The following WWOX variants were observed in gnomAD, a reference collection of about 807,000 sequenced individuals.
The protein encoded by WWOX is WW domain containing oxidoreductase.
WWOX carries 69 observed loss-of-function variants against 46.2 expected under a neutral mutation model. The ratio of observed to expected loss-of-function variants is 1.49; its 90% CI spans 1.23 to 1.82. WWOX has a LOEUF of 1.82. Ranked by LOEUF, WWOX falls within the 40% of genes most tolerant of loss-of-function variation. The pLI is 0.00. For synonymous variants in WWOX, 359 were observed against 202.6 expected, an observed-to-expected ratio of 1.77 and a Z score of -6.56; for missense variants, 919 against 542.6, an observed-to-expected ratio of 1.69 and a Z score of -6.89.
chr16:78,738,181 C>T (rs1567526969), intron 8 of WWOX, among the ~76,000 whole-genome samples: 1 of 152,148 alleles, frequency 6.6e-6, no homozygotes, highest in Non-Finnish European at 1.5e-5. Context: ...CATAAAAGTT[C>T]AGAAGGTTGT....
intron 8 of WWOX, among the ~76,000 whole-genome samples, chr16:78,959,526 C>A (rs570242467): frequency 3.3e-5 from 5 of 152,182 alleles, no homozygotes; most frequent in Non-Finnish European, 4.4e-5. Flanking sequence ...CATTCATCCA[C>A]CTGTTCATCC....
intron 5 of WWOX, among the ~76,000 whole-genome samples, chr16:78,188,511 G>C (rs1033045347): frequency 1.5e-4 from 23 of 150,270 alleles, no homozygotes; most frequent in Admixed American, 8.6e-4. Flanking sequence ...AAAAATAGTA[G>C]ATTGTTTGCC....
intron 8 of WWOX, among the ~76,000 whole-genome samples, chr16:79,163,139 T>C (rs1358300322): frequency 6.6e-6 from 1 of 152,186 alleles, no homozygotes; most frequent in African/African-American, 2.4e-5. Context: ...TGTGTGTGTT[T>C]ACTTGGAGCT....
intron 8 of WWOX, among the ~76,000 whole-genome samples, chr16:78,662,086 G>A (rs1168581587): frequency 6.6e-6 from 1 of 152,072 alleles, no homozygotes; most frequent in African/African-American, 2.4e-5. Flanking sequence ...GGTGGTGGTG[G>A]TGGTGGTAGT....
chr16:79,190,567 C>T (rs1006786922), intron 8 of WWOX, among the ~76,000 whole-genome samples: 5 of 152,106 alleles, frequency 3.3e-5, no homozygotes, highest in African/African-American at 1.2e-4. Flanking sequence ...TAAACTGGCA[C>T]GACAGTTCAG....
chr16:78,328,894 C>G (rs572714529), intron 5 of WWOX, among the ~76,000 whole-genome samples: 2 of 151,938 alleles, frequency 1.3e-5, no homozygotes, highest in African/African-American at 2.4e-5. Flanking sequence ...AACAGTCTTG[C>G]TCTGTCTTCC....
intron 8 of WWOX, among the ~76,000 whole-genome samples, chr16:79,026,327 T>C (rs943375905): frequency 1.3e-5 from 2 of 151,668 alleles, no homozygotes; most frequent in African/African-American, 4.9e-5. Context: ...GGGGAGGCTC[T>C]CCCTTCACCT....
intron 8 of WWOX, among the ~76,000 whole-genome samples, chr16:79,149,448 G>C (rs548330254): frequency 1.6e-4 from 24 of 152,086 alleles, no homozygotes; most frequent in Non-Finnish European, 3.1e-4. Context: ...TTTGTGGATA[G>C]CTCACCAACT....
intron 8 of WWOX, among the ~76,000 whole-genome samples, chr16:79,089,644 T>C (rs1467605481): frequency 6.6e-6 from 1 of 152,184 alleles, no homozygotes; most frequent in Non-Finnish European, 1.5e-5. Flanking sequence ...TGGCAATCTT[T>C]ATACATAAAA....
intron 8 of WWOX, among the ~76,000 whole-genome samples, chr16:79,014,262 C>T (rs938531565): frequency 1.1e-4 from 16 of 152,084 alleles, no homozygotes; most frequent in African/African-American, 2.9e-4. Context: ...ACGCATGGGA[C>T]GGGAGAATAC....
chr16:79,109,032 C>T (rs563322530), intron 8 of WWOX, among the ~76,000 whole-genome samples: 1 of 152,102 alleles, frequency 6.6e-6, no homozygotes, highest in African/African-American at 2.4e-5. Context: ...AAGCTCAGAT[C>T]ATCACCTGTG....
intron 8 of WWOX, among the ~76,000 whole-genome samples, chr16:78,974,243 G>A (rs2046528159): frequency 6.6e-6 from 1 of 152,234 alleles, no homozygotes; most frequent in South Asian, 2.1e-4. Flanking sequence ...ATTTGTGTTA[G>A]AGAAAAACTG....
intron 8 of WWOX, among the ~76,000 whole-genome samples, chr16:79,164,445 A>G (rs1361533458): frequency 5.9e-5 from 9 of 152,032 alleles, no homozygotes; most frequent in African/African-American, 2.2e-4. Flanking sequence ...TGAGGTCCTC[A>G]TTATTGTGGG....
chr16:78,218,346 C>G (rs1165605230), intron 5 of WWOX, among the ~76,000 whole-genome samples: 1 of 152,088 alleles, frequency 6.6e-6, no homozygotes, highest in Non-Finnish European at 1.5e-5. Flanking sequence ...TCCAGCCTCC[C>G]AAAGTGCTGG....
At chr16:78,773,931 C>T (rs957720899) in intron 8 of WWOX, among the ~76,000 whole-genome samples, 2 of 152,164 alleles carry the variant, frequency 1.3e-5, no homozygotes, top group African/African-American at 4.8e-5. Context: ...TTTTCCCAGG[C>T]CCTTCATGGA....
chr16:79,082,965 A>C (rs912086109), intron 8 of WWOX, among the ~76,000 whole-genome samples: 9 of 152,170 alleles, frequency 5.9e-5, no homozygotes, highest in Admixed American at 2.0e-4. Flanking sequence ...GGAAATCTAC[A>C]TCAGAGAGTG....
intron 4 of WWOX, chr16:78,123,342 C>G (rs2033186281): frequency 6.6e-6 from 1 of 151,024 alleles, no homozygotes; most frequent in Non-Finnish European, 1.5e-5. Context: ...TTTTTTTTTC[C>G]TAAGTGGAAA....
intron 5 of WWOX, among the ~76,000 whole-genome samples, chr16:78,283,920 G>A (rs947529593): frequency 6.6e-6 from 1 of 152,180 alleles, no homozygotes; most frequent in East Asian, 1.9e-4. Context: ...AAAGTTAATT[G>A]TGGCAGCTCA....
At chr16:78,306,572 G>C (rs114002292) in intron 5 of WWOX, among the ~76,000 whole-genome samples, 1,948 of 152,214 alleles carry the variant, frequency 0.013, 41 homozygotes, top group African/African-American at 0.044. Context: ...GGCCAGGAGA[G>C]GATATTTCTT....
Sources: allele counts gnomAD v4.1 joint callset (sites outside exome capture counted in the v4.1 genomes callset), GRCh38; gene constraint gnomAD v4.1.1; transcripts MANE v1.5; gene names NCBI Gene and HGNC (gene_info 2026-07-23, HGNC 2026-07-21).